The following ZEB2 variants were observed in gnomAD, a reference collection of about 807,000 sequenced individuals.
ZEB2 encodes zinc finger E-box-binding homeobox 2.
In ZEB2, 6 loss-of-function variants were observed where a neutral mutation model predicts 99.9. The observed-to-expected ratio is 0.06, with a 90% confidence interval of 0.03 to 0.12. The LOEUF is 0.12. ZEB2 is among the 10% of genes least tolerant of loss of function. The probability of loss-of-function intolerance (pLI) is 1.00; values close to 1 mark genes in which losing one functional copy is unlikely to be tolerated. For synonymous variants in ZEB2, 517 were observed against 542.5 expected (o/e 0.95, Z 0.65); for missense variants, 969 against 1,502.8 (o/e 0.64, Z 5.87).
intron 2 of ZEB2, chr2:144,512,673 A>G (rs1379035645): frequency 7.0e-6 from 9 of 1,287,188 alleles, no homozygotes; most frequent in Non-Finnish European, 9.1e-6. Flanking sequence ...CTGTCACTCT[A>G]TGGACACCAG....
At chr2:144,492,815 C>A (rs1168163796) in intron 2 of ZEB2, among the ~76,000 whole-genome samples, 1 of 152,084 alleles carries the variant, frequency 6.6e-6, no homozygotes, top group Admixed American at 6.5e-5. Flanking sequence ...ATAAAGTTAC[C>A]CAAAGCTTTT....
In ZEB2 at chr2:144,396,571, G is replaced by C; in HGVS notation, c.2908C>G (p.Gln970Glu). ...TCATCTAGGCCTGACATGTAGTCTT[G>C]TGCTCCATCAAGCAATTCTCCCTGC... is the stretch of plus-strand genomic sequence containing the variant. ...GFQGELLDGA[Q>E]DYMSGLDDMT... Residue 970 changes from glutamine (Q) to glutamate (E), a missense_variant, in exon 9 of 10, where the codon CAA becomes GAA. Gln to Glu is a conservative substitution (Grantham distance 29). Transcript: ENST00000627532. 1 of 1,613,832 alleles carries C rather than the reference G, an allele frequency of 6.2e-7. No homozygotes were observed. The highest frequency in any genetic ancestry group is 8.5e-7 in the Non-Finnish European group (1 of 1,179,976).
In ZEB2 at chr2:144,506,709, GA is replaced by G. The variant is rs969887374; in HGVS notation, c.73+10568del. ...AATTTACTCATCCATTTGAGAGAAA[GA>G]AAAAAACCTCAGATTTTATATAGCA... On this transcript the variant is annotated intron_variant, in intron 2 of 9. Coordinates refer to ENST00000627532, the MANE Select transcript of ZEB2 (RefSeq NM_014795.4). 3.9e-5 allele frequency among the ~76,000 whole-genome samples: 6 copies of G among 152,020 alleles called. No individual in the cohort carries two copies. In the East Asian group the frequency reaches 9.6e-4, roughly 24 times the overall value.
chr2:144,446,474 T>G (rs1703986169), intron 2 of ZEB2, among the ~76,000 whole-genome samples: 1 of 151,986 alleles, frequency 6.6e-6, no homozygotes, highest in African/African-American at 2.4e-5. Context: ...ACGTAGTCAA[T>G]ATGGAAAAGA....
chr2:144,446,262 A>C (rs1189636569), intron 2 of ZEB2, among the ~76,000 whole-genome samples: 2 of 152,094 alleles, frequency 1.3e-5, no homozygotes, highest in Non-Finnish European at 2.9e-5. Flanking sequence ...CAAATAGGCC[A>C]TATGTTAGTA....
intron 4 of ZEB2, among the ~76,000 whole-genome samples, chr2:144,407,616 A>G (rs35728039): frequency 0.21 from 31,748 of 152,244 alleles, 3,365 homozygotes; most frequent in South Asian, 0.29. Flanking sequence ...GCAAAATGGC[A>G]GAGCCATGAT....
At chr2:144,454,648 T>C (rs1309310076) in intron 2 of ZEB2, among the ~76,000 whole-genome samples, 1 of 152,192 alleles carries the variant, frequency 6.6e-6, no homozygotes, top group African/African-American at 2.4e-5. Flanking sequence ...TTGATTAATA[T>C]TGCAGTTCAA....
chr2:144,407,027 C>G (rs1390296655), intron 4 of ZEB2, among the ~76,000 whole-genome samples: 3 of 152,074 alleles, frequency 2.0e-5, no homozygotes, highest in African/African-American at 7.2e-5. Flanking sequence ...TTTATACTTT[C>G]CAAATTTGAT....
rs1704052229 is a variant in ZEB2 at position 144,451,355 on chromosome 2, T to C, written c.74-21329A>G. Among the ~76,000 whole-genome samples the C allele has an allele frequency of 2.6e-5, 4 of 152,296 alleles. No homozygotes were observed. In the South Asian group the frequency reaches 8.3e-4, roughly 32 times the overall value. ...GATTTTTCTAGTATTTCATCCACTGTTTTTTCGGTATAAATGAATTTGTGC... is the reference window on the plus strand; with the variant it reads ...GATTTTTCTAGTATTTCATCCACTGCTTTTTCGGTATAAATGAATTTGTGC... On this transcript the variant is annotated intron_variant, in intron 2 of 9. Coordinates refer to ENST00000627532, the MANE Select transcript of ZEB2 (RefSeq NM_014795.4).
intron 2 of ZEB2, chr2:144,511,673 G>A (rs1438975011): frequency 1.6e-6 from 2 of 1,287,114 alleles, no homozygotes; most frequent in Admixed American, 4.6e-5. Flanking sequence ...ACAGAGCTAT[G>A]TAAATATATA....
chr2:144,488,805 T>G (rs931051170), intron 2 of ZEB2, among the ~76,000 whole-genome samples: 1 of 151,968 alleles, frequency 6.6e-6, no homozygotes, highest in Non-Finnish European at 1.5e-5. Context: ...ACATTAAAGT[T>G]TCTAAAGTGC....
chr2:144,511,984 C>G (rs1261931539), intron 2 of ZEB2: 31 of 1,287,008 alleles, frequency 2.4e-5, no homozygotes, highest in Non-Finnish European at 1.7e-5. Context: ...ACAGATTTTC[C>G]TCCTTTATCT....
intron 4 of ZEB2, among the ~76,000 whole-genome samples, chr2:144,417,772 G>A (rs1195750629): frequency 6.6e-6 from 1 of 152,162 alleles, no homozygotes; most frequent in Non-Finnish European, 1.5e-5. Context: ...GGTCTATTAT[G>A]TGACTGGAGC....
rs2149872541 is a variant in ZEB2, at chr2:144,389,744, G to A, written c.3352C>T (p.Pro1118Ser). 6.2e-7 allele frequency: 1 copy of A among 1,610,796 alleles called. No homozygotes were observed. The highest frequency in any genetic ancestry group is 1.7e-5 in the Admixed American group (1 of 59,846). The change falls in exon 10 of 10, where the codon CCT (proline) becomes TCT (serine). Residue 1118 changes from proline to serine, a missense_variant. Physicochemically the swap from Pro to Ser is moderately conservative, Grantham distance 74. Transcript: ENST00000627532. The surrounding 1 kb of genome is among the most constrained non-coding windows in gnomAD (Gnocchi z 6.8). ...TCCTCCGAGTCAGAGTACCCCTGAGGGGTAATGCTCTGCAAGTAAGCCCGG... is the reference window on the plus strand; with the variant it reads ...TCCTCCGAGTCAGAGTACCCCTGAGAGGTAATGCTCTGCAAGTAAGCCCGG... The part of the protein sequence containing the change: ...MNRAYLQSIT[P>S]QGYSDSEERE...
At chr2:144,440,272 T>G (rs976788764) in intron 2 of ZEB2, among the ~76,000 whole-genome samples, 1 of 152,102 alleles carries the variant, frequency 6.6e-6, no homozygotes, top group Non-Finnish European at 1.5e-5. Flanking sequence ...ATCATTTACT[T>G]AAGAGACGCT....
At chr2:144,428,574 C>G (rs150513769) in intron 3 of ZEB2, 108 of 152,168 alleles carry the variant, frequency 7.1e-4, no homozygotes, top group African/African-American at 2.5e-3. Context: ...AAATTGGAAA[C>G]GGAAAGAGTA....
intron 9 of ZEB2, among the ~76,000 whole-genome samples, chr2:144,391,463 C>T (rs546144665): frequency 5.8e-4 from 88 of 152,330 alleles, no homozygotes; most frequent in Non-Finnish European, 1.1e-3. Context: ...AGCTCATACT[C>T]TGAAGAAAGC....
At chr2:144,440,485 GTATATA>G (rs147950352) in intron 2 of ZEB2, among the ~76,000 whole-genome samples, 70 of 89,308 alleles carry the variant, frequency 7.8e-4, no homozygotes, top group Non-Finnish European at 1.0e-3. Flanking sequence ...CCCAAAAGCA[GTATATA>G]TATATATATA....
At chr2:144,465,064 T>C (rs1346183069) in intron 2 of ZEB2, among the ~76,000 whole-genome samples, 1 of 152,182 alleles carries the variant, frequency 6.6e-6, no homozygotes, top group African/African-American at 2.4e-5. Flanking sequence ...GCCAGCTAAT[T>C]TGGCTTTGGC....
Sources: allele counts gnomAD v4.1 joint callset (sites outside exome capture counted in the v4.1 genomes callset), GRCh38; gene constraint gnomAD v4.1.1; non-coding constraint Gnocchi (gnomAD v3.1); transcripts MANE v1.5; gene names NCBI Gene and HGNC (gene_info 2026-07-23, HGNC 2026-07-21).